ECHDC3: variants seen among roughly 807,000 people sequenced by gnomAD.
ECHDC3 encodes enoyl-CoA hydratase domain containing 3, also known as enoyl-CoA hydratase domain-containing protein 3, mitochondrial.
A neutral mutation model predicts 17.9 loss-of-function variants in ECHDC3; 20 were observed. The ratio of observed to expected loss-of-function variants is 1.12; its 90% CI spans 0.79 to 1.63. The LOEUF is 1.63. Ranked by LOEUF, ECHDC3 falls within the 40% of genes most tolerant of loss-of-function variation. The pLI, the probability that ECHDC3 is intolerant of heterozygous loss-of-function variation, is 0.00. For missense variants in ECHDC3, 407 were observed against 357.7 expected (o/e 1.14, Z -1.11); for synonymous variants, 177 against 149.7 (o/e 1.18, Z -1.33).
At chr10:11,752,913 C>T (rs567981806) in intron 3 of ECHDC3, among the ~76,000 whole-genome samples, 2 of 152,310 alleles carry the variant, frequency 1.3e-5, no homozygotes, top group Non-Finnish European at 2.9e-5. Context: ...GAGAATACAG[C>T]ATCCTAGTCG....
chr10:11,749,571 A>T lies in ECHDC3; in HGVS notation c.369A>T (p.Glu123Asp), dbSNP rs745310969. 16 of 1,614,162 alleles carry T rather than the reference A, an allele frequency of 9.9e-6. No individual in the cohort carries two copies. In the East Asian group the frequency reaches 3.6e-4, roughly 36 times the overall value. ...TEEQGRDYHA[E>D]VFQTCSKVMM... ...AGCAAGGCCGTGATTACCATGCCGA[A>T]GTATTTCAGACCTGTTCCAAGGTAA... The change falls in exon 3 of 5, where the codon GAA becomes GAT. Residue 123 changes from glutamate (E) to aspartate (D), a missense_variant. By Grantham distance (45) the Glu-to-Asp change is conservative (BLOSUM62 2). Transcript: ENST00000379215.
chr10:11,757,913 C>G (rs556629623), intron 4 of ECHDC3, among the ~76,000 whole-genome samples: 26 of 152,324 alleles, frequency 1.7e-4, no homozygotes, highest in African/African-American at 6.0e-4. Flanking sequence ...TGCCCGTTGT[C>G]TTTGCTGATT....
At chr10:11,752,719 A>G (rs1465270684) in intron 3 of ECHDC3, among the ~76,000 whole-genome samples, 2 of 152,160 alleles carry the variant, frequency 1.3e-5, no homozygotes, top group Admixed American at 6.5e-5. Flanking sequence ...GTCGTGTTCT[A>G]TAAGGTTGGT....
chr10:11,749,718 CTGTT>C (rs934744205), intron 3 of ECHDC3, 126 bp downstream of exon 3: 4 of 633,014 alleles, frequency 6.3e-6, no homozygotes, highest in East Asian at 3.6e-5. Flanking sequence ...CAACTGGAAA[CTGTT>C]TGGTCATCAG....
At chr10:11,751,471 G>A (rs1832822192) in intron 3 of ECHDC3, among the ~76,000 whole-genome samples, 1 of 152,246 alleles carries the variant, frequency 6.6e-6, no homozygotes. Context: ...ACTTGTGCAA[G>A]ATTTCCATTT....
chr10:11,763,404 C>A lies in ECHDC3; in HGVS notation c.772C>A (p.Gln258Lys). 1 of 785,890 alleles carries A rather than the reference C, an allele frequency of 1.3e-6. No individual in the cohort carries two copies. 48.7% of individuals were successfully genotyped at this position (785,890 alleles called of 1,614,324 possible). ...CCTGGGCAAAGCCACCTTCTACAAG[C>A]AGCTGCCCCAGGACCTGGGGACGGC... ...VSLGKATFYKQLPQDLGTAYY... is the reference protein window; with the variant it reads ...VSLGKATFYKKLPQDLGTAYY... Residue 258 changes from glutamine (Q) to lysine (K), a missense_variant, in exon 5 of 5, where the codon CAG (glutamine) becomes AAG (lysine). Transcript: ENST00000379215. This position sits in a 1 kb window ranked among gnomAD's most constrained non-coding sequence, Gnocchi z 4.9.
intron 3 of ECHDC3, among the ~76,000 whole-genome samples, chr10:11,754,377 G>A (rs544022014): frequency 6.6e-6 from 1 of 152,194 alleles, no homozygotes; most frequent in East Asian, 1.9e-4. Context: ...CACACTCTGT[G>A]GCATGAAAAC....
intron 3 of ECHDC3, among the ~76,000 whole-genome samples, chr10:11,750,817 G>C (rs1385929719): frequency 6.6e-6 from 1 of 151,748 alleles, no homozygotes; most frequent in Admixed American, 6.5e-5. Context: ...GGTCATTAAT[G>C]ATTTCACAGA....
chr10:11,757,783 A>G (rs929915830), intron 4 of ECHDC3, among the ~76,000 whole-genome samples: 5 of 152,224 alleles, frequency 3.3e-5, no homozygotes, highest in Non-Finnish European at 7.3e-5. Context: ...AGGAAGAAAC[A>G]GGCTTTTGGA....
chr10:11,756,168 T>C (rs2133793102), intron 4 of ECHDC3, among the ~76,000 whole-genome samples: 1 of 152,362 alleles, frequency 6.6e-6, no homozygotes, highest in South Asian at 2.1e-4. Context: ...GCGTGGTATG[T>C]TGAATCTGCC....
At chr10:11,759,873 G>A (rs1341139601) in intron 4 of ECHDC3, among the ~76,000 whole-genome samples, 1 of 152,228 alleles carries the variant, frequency 6.6e-6, no homozygotes, top group Non-Finnish European at 1.5e-5. Flanking sequence ...CCTTGCACCT[G>A]CTATCTCTAA....
Position 11,763,283 on chromosome 10 carries a change from C to T in ECHDC3, c.651C>T (p.His217=), listed in dbSNP as rs199572481. Residue 217 remains histidine (H), a synonymous_variant, in exon 5 of 5, where the codon CAC becomes CAT. Coordinates refer to ENST00000379215, the MANE Select transcript of ECHDC3 (RefSeq NM_024693.5). The surrounding 1 kb of genome is among the most constrained non-coding windows in gnomAD (Gnocchi z 4.9). ...EPISAQEALL[H]GLLSKVVPEA... is the part of the protein sequence containing the mutation. ...TTTCTGCCCAGGAGGCCCTGCTCCA[C>T]GGGCTGCTTAGCAAGGTGGTGCCAG... 2.4e-5 allele frequency: 19 copies of T among 780,386 alleles called. No homozygotes were observed. The highest frequency in any genetic ancestry group is 6.7e-5 in the African/African-American group (4 of 59,274). 48.3% of individuals were successfully genotyped at this position (780,386 alleles called of 1,614,324 possible).
At chr10:11,754,477 G>C (rs1832863677) in intron 3 of ECHDC3, among the ~76,000 whole-genome samples, 2 of 152,144 alleles carry the variant, frequency 1.3e-5, no homozygotes, top group African/African-American at 4.8e-5. Context: ...CTGTGCCAAT[G>C]GCTCTATTTT....
chr10:11,760,117 C>G (rs1373554902), intron 4 of ECHDC3, among the ~76,000 whole-genome samples: 1 of 152,192 alleles, frequency 6.6e-6, no homozygotes, highest in African/African-American at 2.4e-5. Flanking sequence ...CAATTTTTCC[C>G]CCAGCCTTTC....
chr10:11,757,120 C>A (rs552059292), intron 4 of ECHDC3, among the ~76,000 whole-genome samples: 4 of 152,284 alleles, frequency 2.6e-5, no homozygotes, highest in African/African-American at 7.2e-5. Flanking sequence ...TATAATGGTG[C>A]AAATCAACTT....
Position 11,755,478 on chromosome 10 carries a change from G to C in ECHDC3, c.461G>C (p.Gly154Ala), listed in dbSNP as rs762967601. The C allele has an allele frequency of 1.9e-6, 3 of 1,614,026 alleles. No individual in the cohort carries two copies. Among genetic ancestry groups the C allele is most frequent in the Non-Finnish European group, 2.5e-6 (3 of 1,179,996 alleles). The change falls in exon 4 of 5, where the codon GGC becomes GCC. Residue 154 changes from glycine to alanine, a missense_variant. Gly to Ala is a moderately conservative substitution (Grantham distance 60). Transcript: ENST00000379215. ...AMVNGLAAAA[G>A]CQLVASCDIA... is the part of the protein sequence containing the mutation. ...GTCAATGGCCTGGCCGCGGCTGCCG[G>C]CTGTCAACTGGTTGCCAGCTGCGAC...
At chr10:11,756,721 A>G (rs1256800419) in intron 4 of ECHDC3, among the ~76,000 whole-genome samples, 1 of 152,018 alleles carries the variant, frequency 6.6e-6, no homozygotes, top group African/African-American at 2.4e-5. Flanking sequence ...TTCTGTCAAG[A>G]TAGACACTTA....
chr10:11,742,883 G>A (rs554696202), intron 1 of ECHDC3, 137 bp downstream of exon 1: 154 of 1,032,384 alleles, frequency 1.5e-4, no homozygotes, highest in Admixed American at 3.9e-4. Flanking sequence ...TCCCGGACCC[G>A]GGCCTGGCAG....
chr10:11,761,147 A>G (rs370372893), intron 4 of ECHDC3, among the ~76,000 whole-genome samples: 1 of 152,212 alleles, frequency 6.6e-6, no homozygotes. Flanking sequence ...TGGTCTCTCT[A>G]TCCAAGTTCA....
Sources: allele counts gnomAD v4.1 joint callset (sites outside exome capture counted in the v4.1 genomes callset), GRCh38; gene constraint gnomAD v4.1.1; non-coding constraint Gnocchi (gnomAD v3.1); transcripts MANE v1.5; gene names NCBI Gene and HGNC (gene_info 2026-07-23, HGNC 2026-07-21).